TPD52: variants seen among roughly 807,000 people sequenced by gnomAD.
The protein encoded by TPD52 is tumor protein D52, also known as prostate and colon associated protein.
A neutral mutation model predicts 31.3 loss-of-function variants in TPD52; 17 were observed. The observed-to-expected ratio is 0.54, with a 90% CI of 0.37 to 0.82. TPD52 has a LOEUF of 0.82. TPD52 is among the 40% of genes least tolerant of loss of function. TPD52 has a pLI of 0.00. For synonymous variants in TPD52, 83 were observed against 89.6 expected (o/e 0.93, Z 0.42); for missense variants, 212 against 240.1 (o/e 0.88, Z 0.77).
At chr8:80,070,387 A>G (rs574469292) in intron 1 of TPD52, among the ~76,000 whole-genome samples, 2 of 152,248 alleles carry the variant, frequency 1.3e-5, no homozygotes, top group African/African-American at 2.4e-5. Context: ...AGCAGTCCCC[A>G]GTGTTTTTTG....
intron 1 of TPD52, among the ~76,000 whole-genome samples, chr8:80,102,923 C>A (rs992180571): frequency 1.3e-5 from 2 of 152,086 alleles, no homozygotes; most frequent in African/African-American, 2.4e-5. Flanking sequence ...ACAACAACAA[C>A]AAAACAGTTC....
Position 80,148,790 on chromosome 8 carries a change from C to T in TPD52, c.19+22635G>A, listed in dbSNP as rs934436216. On this transcript the variant is annotated intron_variant, in intron 1 of 7. Transcript: ENST00000518937. Reference sequence around the variant, plus strand: ...TTATATTTTGATACAAGCAAAAGCCCATGCTTGAAGACTGAAGAACTACAA... The same window carrying T: ...TTATATTTTGATACAAGCAAAAGCCTATGCTTGAAGACTGAAGAACTACAA... Among the ~76,000 whole-genome samples, 4 of 152,148 alleles carry T rather than the reference C, an allele frequency of 2.6e-5. No homozygotes were observed. In the South Asian group the frequency reaches 8.3e-4, roughly 32 times the overall value.
At chr8:80,092,392 T>C (rs974249480) in intron 1 of TPD52, among the ~76,000 whole-genome samples, 1 of 152,114 alleles carries the variant, frequency 6.6e-6, no homozygotes, top group African/African-American at 2.4e-5. Context: ...AAAACAGAAT[T>C]AACATATTAA....
chr8:80,130,120 C>G (rs187192776), intron 1 of TPD52, among the ~76,000 whole-genome samples: 1 of 152,120 alleles, frequency 6.6e-6, no homozygotes, highest in East Asian at 1.9e-4. Flanking sequence ...TCAGATTGCT[C>G]AGAGAGAGAA....
chr8:80,051,744 A>G (rs1811411563), intron 3 of TPD52, 116 bp from the exon 4 acceptor site: 1 of 791,940 alleles, frequency 1.3e-6, no homozygotes, highest in African/African-American at 1.8e-5. Flanking sequence ...AAGAGAAAAC[A>G]TTTTTCAGAA....
chr8:80,104,104 C>T (rs1394841394), intron 1 of TPD52, among the ~76,000 whole-genome samples: 6 of 152,206 alleles, frequency 3.9e-5, no homozygotes, highest in African/African-American at 1.4e-4. Context: ...AGAAAATTAA[C>T]TTAAAAGCAG....
chr8:80,107,838 T>A (rs909851237), intron 1 of TPD52, among the ~76,000 whole-genome samples: 1 of 151,930 alleles, frequency 6.6e-6, no homozygotes, highest in East Asian at 1.9e-4. Flanking sequence ...AAAATGGGAG[T>A]TTCTCAGAAT....
At chr8:80,055,442 C>T (rs963827287) in intron 2 of TPD52, among the ~76,000 whole-genome samples, 1 of 152,060 alleles carries the variant, frequency 6.6e-6, no homozygotes, top group African/African-American at 2.4e-5. Flanking sequence ...GACTAAGGAC[C>T]CAAAACCATA....
At chr8:80,083,632 C>T (rs1815505050) in intron 1 of TPD52, among the ~76,000 whole-genome samples, 1 of 152,176 alleles carries the variant, frequency 6.6e-6, no homozygotes, top group African/African-American at 2.4e-5. Context: ...TTGTAAGTTT[C>T]CTGAAGCCTC....
rs2370368 is a variant in TPD52, at chr8:80,072,319, G to A, written c.20-7726C>T. Among the ~76,000 whole-genome samples the A allele has an allele frequency of 6.2e-3, 730 of 118,492 alleles. 14 individuals carry two copies. The highest frequency in any genetic ancestry group is 0.027 in the African/African-American group (577 of 21,628). 77.7% of individuals were successfully genotyped at this position (118,492 alleles called of 152,430 possible). ...GAGACTCCATCTAAAAAACATATAT[G>A]TGTGTGTGTGTGTGTGTGTGTGTGT... is the stretch of plus-strand genomic sequence containing the variant. On this transcript the variant is annotated intron_variant, in intron 1 of 7. Coordinates refer to ENST00000518937, the MANE Select transcript of TPD52 (RefSeq NM_001025253.3).
chr8:80,032,152 CAAAAAAAA>C (rs150988844), downstream of TPD52, among the ~76,000 whole-genome samples: 1 of 56,536 alleles, frequency 1.8e-5, no homozygotes, highest in Non-Finnish European at 4.9e-5. Flanking sequence ...GACTCCAGCT[CAAAAAAAA>C]AAAAAAAAAA....
chr8:80,040,267 T>A (rs1810256157), intron 7 of TPD52, among the ~76,000 whole-genome samples: 1 of 138,558 alleles, frequency 7.2e-6, no homozygotes, highest in Non-Finnish European at 1.5e-5. Flanking sequence ...TAATCGCTGC[T>A]CACTCTGCCT....
intron 1 of TPD52, among the ~76,000 whole-genome samples, chr8:80,134,059 C>T (rs534507136): frequency 5.9e-5 from 9 of 152,316 alleles, no homozygotes; most frequent in African/African-American, 9.6e-5. Flanking sequence ...ATGGCAGACA[C>T]GGTGATTCTA....
rs976403633 is a variant in TPD52, at chr8:80,037,995, G to A, written c.*121C>T. 7.2e-7 allele frequency: 1 copy of A among 1,393,460 alleles called. No homozygotes were observed. The highest frequency in any genetic ancestry group is 1.4e-5 in the African/African-American group (1 of 69,502). 86.3% of individuals were successfully genotyped at this position (1,393,460 alleles called of 1,614,324 possible). On this transcript the variant is annotated 3_prime_UTR_variant, in exon 8 of 8. Transcript: ENST00000518937. Reference sequence around the variant, plus strand: ...TAACCCACAAACTATTTGGTCAAAGGAATATGTAAAGCTAAATAAAAGCAC... The same window carrying A: ...TAACCCACAAACTATTTGGTCAAAGAAATATGTAAAGCTAAATAAAAGCAC...
chr8:80,133,551 A>G (rs13261662), intron 1 of TPD52, among the ~76,000 whole-genome samples: 65,579 of 151,896 alleles, frequency 0.43, 14,760 homozygotes, highest in East Asian at 0.78. Flanking sequence ...AACCAATTAC[A>G]AACATTTTAT....
intron 1 of TPD52, among the ~76,000 whole-genome samples, chr8:80,161,405 C>A (rs1457165112): frequency 6.6e-6 from 1 of 152,104 alleles, no homozygotes; most frequent in East Asian, 1.9e-4. Flanking sequence ...TCTATTAATG[C>A]TAGAAGTCTT....
At chr8:80,104,863 C>G (rs1180571201) in intron 1 of TPD52, among the ~76,000 whole-genome samples, 1 of 151,894 alleles carries the variant, frequency 6.6e-6, no homozygotes, top group African/African-American at 2.4e-5. Context: ...AGCTCAAGAC[C>G]AGCCTGGGCA....
At chr8:80,071,730 G>A (rs1216134991) in intron 1 of TPD52, among the ~76,000 whole-genome samples, 17 of 152,070 alleles carry the variant, frequency 1.1e-4, no homozygotes, top group Non-Finnish European at 2.4e-4. Flanking sequence ...GTCACTATGT[G>A]TTGCTTAGAT....
At chr8:80,122,028 A>AAG in intron 1 of TPD52, among the ~76,000 whole-genome samples, 2 of 151,846 alleles carry the variant, frequency 1.3e-5, no homozygotes, top group South Asian at 2.1e-4. Context: ...CAAAAGAAAA[A>AAG]AAAAAACTCC....
Sources: allele counts gnomAD v4.1 joint callset (sites outside exome capture counted in the v4.1 genomes callset), GRCh38; gene constraint gnomAD v4.1.1; transcripts MANE v1.5; gene names NCBI Gene and HGNC (gene_info 2026-07-23, HGNC 2026-07-21).